Variants in RBFOX3 observed in about 807,000 individuals in gnomAD.
The protein encoded by RBFOX3 is RNA binding fox-1 homolog 3, also known as RNA binding protein fox-1 homolog 3.
RBFOX3 carries 17 observed loss-of-function variants against 48.7 expected under a neutral mutation model. The observed-to-expected ratio is 0.35, with a 90% CI of 0.24 to 0.52. The LOEUF (loss-of-function observed/expected upper bound fraction) is 0.52. Among genes scored for constraint, RBFOX3 ranks in the 20% least tolerant of loss-of-function variants. The pLI, the probability that RBFOX3 is intolerant of heterozygous loss-of-function variation, is 0.94. For synonymous variants in RBFOX3, 212 were observed against 209.5 expected (o/e 1.01, Z -0.10); for missense variants, 382 against 497.5 (o/e 0.77, Z 2.21).
At chr17:79,279,850 G>A (rs1264577647) in intron 3 of RBFOX3, among the ~76,000 whole-genome samples, 1 of 152,192 alleles carries the variant, frequency 6.6e-6, no homozygotes, top group Non-Finnish European at 1.5e-5. Flanking sequence ...TGGAAAAAAA[G>A]GACCCGTGTT....
chr17:79,485,821 C>T (rs1012938617), intron 1 of RBFOX3, among the ~76,000 whole-genome samples: 32 of 152,352 alleles, frequency 2.1e-4, no homozygotes, highest in African/African-American at 3.8e-4. Flanking sequence ...CCTCTGCCGC[C>T]GGCTAGGCGA....
At chr17:79,580,710 T>C (rs2093030968) in intron 1 of RBFOX3, among the ~76,000 whole-genome samples, 2 of 152,108 alleles carry the variant, frequency 1.3e-5, no homozygotes, top group African/African-American at 4.8e-5. Context: ...GCCAGGCTGA[T>C]AAAGCAACCT....
rs1184526369 is a variant in RBFOX3 at position 79,415,409 on chromosome 17, G to A, written c.-175+67045C>T. ...TCCCCTCCCCCACCCAGGGAGAAGGGGGCACTGTGCACCCCTGAGGCCGAC... is the reference window on the plus strand; with the variant it reads ...TCCCCTCCCCCACCCAGGGAGAAGGAGGCACTGTGCACCCCTGAGGCCGAC... On this transcript the variant is annotated intron_variant, in intron 2 of 14. Coordinates refer to ENST00000693108, the MANE Select transcript of RBFOX3 (RefSeq NM_001350451.2). Among the ~76,000 whole-genome samples the A allele has an allele frequency of 7.9e-5, 12 of 152,180 alleles. No homozygotes were observed. In the East Asian group the frequency reaches 2.1e-3, roughly 27 times the overall value.
chr17:79,498,367 GC>G (rs1951036195), intron 1 of RBFOX3, among the ~76,000 whole-genome samples: 1 of 152,060 alleles, frequency 6.6e-6, no homozygotes, highest in Admixed American at 6.5e-5. Flanking sequence ...AGCGCCACCT[GC>G]CCACTCATCC....
Position 79,102,405 on chromosome 17 carries a change from A to G in RBFOX3, c.507+757T>C, listed in dbSNP as rs561084380. ...AGCCAGTGCCTTCAGAAGTCTGGAA[A>G]CCTCCTCTCAGGCCCTTCACTGCCT... is the stretch of plus-strand genomic sequence containing the variant. On this transcript the variant is annotated intron_variant, in intron 8 of 14. Transcript: ENST00000693108. Among the ~76,000 whole-genome samples, 11 of 151,136 alleles carry G rather than the reference A, an allele frequency of 7.3e-5. No individual in the cohort carries two copies. The South Asian group carries it at 2.1e-3, about 29-fold the overall frequency.
At chr17:79,555,779 T>C (rs2091695872) in intron 1 of RBFOX3, among the ~76,000 whole-genome samples, 1 of 152,112 alleles carries the variant, frequency 6.6e-6, no homozygotes, top group Non-Finnish European at 1.5e-5. Context: ...GTAATGGTGA[T>C]AATGGCAGTG....
At chr17:79,614,478 G>GCC (rs1380001527), upstream of RBFOX3, among the ~76,000 whole-genome samples, 2 of 152,112 alleles carry the variant, frequency 1.3e-5, no homozygotes, top group African/African-American at 4.8e-5. Context: ...CAGCTTTGCA[G>GCC]CCCCCCTAAG....
intron 1 of RBFOX3, among the ~76,000 whole-genome samples, chr17:79,579,557 G>A (rs1016398742): frequency 1.1e-4 from 16 of 152,104 alleles, no homozygotes; most frequent in Non-Finnish European, 1.5e-4. Context: ...CATCCAGCAC[G>A]CGCGAGTGAT....
intron 2 of RBFOX3, among the ~76,000 whole-genome samples, chr17:79,358,771 T>C (rs66531750): frequency 0.15 from 22,153 of 152,230 alleles, 1,887 homozygotes; most frequent in Middle Eastern, 0.22. Flanking sequence ...TGGTTCTCTC[T>C]CTTTTCTGAG....
chr17:79,310,122 C>T (rs1486579390), intron 2 of RBFOX3, among the ~76,000 whole-genome samples: 7 of 152,312 alleles, frequency 4.6e-5, no homozygotes, highest in South Asian at 2.1e-4. Context: ...TGTGAATGCA[C>T]AGCTACCCCG....
At chr17:79,266,838 C>T (rs1387400606) in intron 3 of RBFOX3, among the ~76,000 whole-genome samples, 1 of 152,004 alleles carries the variant, frequency 6.6e-6, no homozygotes, top group Admixed American at 6.5e-5. Flanking sequence ...TTGGCGAACA[C>T]GTGGGTGTGC....
chr17:79,507,644 C>G (rs1205323899), intron 1 of RBFOX3, among the ~76,000 whole-genome samples: 1 of 152,190 alleles, frequency 6.6e-6, no homozygotes, highest in African/African-American at 2.4e-5. Flanking sequence ...CAAGCCACAG[C>G]TGGTACTGCC....
At chr17:79,616,951 G>A in the RBFOX3 span, among the ~76,000 whole-genome samples, 4 of 152,190 alleles carry the variant, frequency 2.6e-5, no homozygotes, top group African/African-American at 9.7e-5. Flanking sequence ...GCCGGGCTGT[G>A]CTCTGTCCCA....
chr17:79,342,044 G>A (rs1381589213), intron 2 of RBFOX3, among the ~76,000 whole-genome samples: 4 of 152,256 alleles, frequency 2.6e-5, no homozygotes, highest in African/African-American at 7.2e-5. Flanking sequence ...TGAGCTGGGG[G>A]CAGCCTGGCC....
chr17:79,333,868 A>G (rs922351134), intron 2 of RBFOX3, among the ~76,000 whole-genome samples: 3 of 151,902 alleles, frequency 2.0e-5, no homozygotes, highest in Non-Finnish European at 4.4e-5. Context: ...AAGAGGCATC[A>G]TCCTGGGACC....
chr17:79,287,243 C>G (rs1346825648), intron 3 of RBFOX3, among the ~76,000 whole-genome samples: 2 of 152,206 alleles, frequency 1.3e-5, no homozygotes, highest in Non-Finnish European at 2.9e-5. Context: ...CCTTACTGCT[C>G]CCAGGTGCGA....
chr17:79,651,435 T>A, the RBFOX3 span, among the ~76,000 whole-genome samples: 1 of 152,188 alleles, frequency 6.6e-6, no homozygotes, highest in Non-Finnish European at 1.5e-5. Context: ...GACTCCAAAA[T>A]GGCTGCCTTC....
intron 2 of RBFOX3, among the ~76,000 whole-genome samples, chr17:79,441,089 C>T (rs145310531): frequency 3.8e-4 from 58 of 152,296 alleles, no homozygotes; most frequent in East Asian, 1.7e-3. Context: ...CAGGAAAGGG[C>T]GTCAGCGGAG....
intron 4 of RBFOX3, among the ~76,000 whole-genome samples, chr17:79,175,524 T>A (rs767682912): frequency 6.6e-6 from 1 of 152,228 alleles, no homozygotes; most frequent in African/African-American, 2.4e-5. Context: ...GCGGGCGTGC[T>A]GCCCACTGGA....
Sources: allele counts gnomAD v4.1 joint callset (sites outside exome capture counted in the v4.1 genomes callset), GRCh38; gene constraint gnomAD v4.1.1; transcripts MANE v1.5; gene names NCBI Gene and HGNC (gene_info 2026-07-23, HGNC 2026-07-21).